The following DACH2 variants were observed in gnomAD, a reference collection of about 807,000 sequenced individuals.
DACH2 encodes the protein dachshund family transcription factor 2.
A neutral mutation model predicts 35.8 loss-of-function variants in DACH2; 17 were observed. The ratio of observed to expected loss-of-function variants is 0.48; its 90% CI spans 0.33 to 0.71. DACH2 has a LOEUF of 0.71. Ranked by LOEUF, DACH2 falls within the 30% of genes least tolerant of loss-of-function variation. The probability of loss-of-function intolerance (pLI) is 0.02; values close to 1 mark genes in which losing one functional copy is unlikely to be tolerated. For missense variants in DACH2, 469 were observed against 472.7 expected (o/e 0.99, Z 0.07); for synonymous variants, 195 against 177.3 (o/e 1.10, Z -0.79).
chrX:86,435,759 C>T (rs1287948195), intron 2 of DACH2, among the ~76,000 whole-genome samples: 1 of 111,658 alleles, frequency 9.0e-6, no homozygotes, highest in Non-Finnish European at 1.9e-5. Context: ...ATATTTTACT[C>T]ATAGAAAGCT....
At chrX:86,321,230 T>C (rs967268916) in intron 1 of DACH2, among the ~76,000 whole-genome samples, 16 of 111,678 alleles carry the variant, frequency 1.4e-4, no homozygotes, top group African/African-American at 5.2e-4. Flanking sequence ...TATTATTAGG[T>C]GCAGAGGACA....
chrX:86,720,067 T>C (rs1288236502), intron 6 of DACH2, among the ~76,000 whole-genome samples: 2 of 106,853 alleles, frequency 1.9e-5, no homozygotes, highest in Non-Finnish European at 3.9e-5. Flanking sequence ...GCCTCCTGAG[T>C]AGCTGGACTA....
rs1262404183 is a variant in DACH2 at position 86,571,567 on chromosome X, C to T, written c.640+57176C>T. Among the ~76,000 whole-genome samples the T allele has an allele frequency of 1.4e-4, 15 of 110,197 alleles. 1 individual carries two copies. The Admixed American group carries it at 1.5e-3, about 11-fold the overall frequency. ...TAACACAAGGACAAAAAACCAAACACCGCATGTTCTCACTCATAGGTGGGA... is the reference window on the plus strand; with the variant it reads ...TAACACAAGGACAAAAAACCAAACATCGCATGTTCTCACTCATAGGTGGGA... On this transcript the variant is annotated intron_variant, in intron 3 of 11. Transcript: ENST00000373125.
At chrX:86,675,542 G>A (rs12009705) in intron 4 of DACH2, among the ~76,000 whole-genome samples, 4,385 of 110,227 alleles carry the variant, frequency 0.04, 224 homozygotes, top group African/African-American at 0.14. Context: ...AAGTTTGCTG[G>A]ACATCGTGGC....
chrX:86,339,158 G>A (rs5968898), intron 1 of DACH2, among the ~76,000 whole-genome samples: 15,880 of 110,590 alleles, frequency 0.14, 978 homozygotes, highest in Non-Finnish European at 0.19. Flanking sequence ...TTGGTACCCC[G>A]CCTTCTGAAA....
intron 2 of DACH2, among the ~76,000 whole-genome samples, chrX:86,441,365 A>G (rs749944880): frequency 8.1e-5 from 9 of 111,322 alleles, no homozygotes; most frequent in Non-Finnish European, 1.7e-4. Context: ...GAGTGAGAAC[A>G]TGTGAAGATT....
chrX:86,661,370 T>C (rs1569462251), intron 4 of DACH2, among the ~76,000 whole-genome samples: 1 of 112,650 alleles, frequency 8.9e-6, no homozygotes, highest in Non-Finnish European at 1.9e-5. Flanking sequence ...ACTAATCTAC[T>C]ATTACATTGT....
At chrX:86,393,441 C>T (rs746367671) in intron 2 of DACH2, among the ~76,000 whole-genome samples, 1 of 112,167 alleles carries the variant, frequency 8.9e-6, no homozygotes, top group Admixed American at 9.5e-5. Flanking sequence ...ACATAGATTA[C>T]TGGAGAGTTT....
rs919279919 is a variant in DACH2 at position 86,501,024 on chromosome X, C to G, written c.528-13255C>G. On this transcript the variant is annotated intron_variant, in intron 2 of 11. Coordinates refer to ENST00000373125, the MANE Select transcript of DACH2 (RefSeq NM_053281.3). ...TTGATGTGTCATGCTTTGCACTTGA[C>G]ATGTTGCTTCTCACCAAAATAAATT... is the stretch of plus-strand genomic sequence containing the variant. Among the ~76,000 whole-genome samples, 10 of 111,933 alleles carry G rather than the reference C, an allele frequency of 8.9e-5. No homozygotes were observed. The Admixed American group carries it at 9.5e-4, about 11-fold the overall frequency.
intron 4 of DACH2, among the ~76,000 whole-genome samples, chrX:86,656,029 TC>T (rs66532210): frequency 0.011 from 905 of 81,614 alleles, 10 homozygotes; most frequent in African/African-American, 0.036. Context: ...GAAATAAAGC[TC>T]CCCCCCCCCA....
Position 86,235,414 on chromosome X carries a change from G to A in DACH2, c.488+86306G>A, listed in dbSNP as rs140956054. On this transcript the variant is annotated intron_variant, in intron 1 of 11. Transcript: ENST00000373125. The stretch of plus-strand genomic sequence containing the variant: ...TGCTATTTCACGTCTTTACACATGC[G>A]TTTCCCCGCTTACCTTCCATCTTCA... Among the ~76,000 whole-genome samples the A allele has an allele frequency of 6.4e-3, 712 of 112,038 alleles. 7 individuals carry two copies. The highest frequency in any genetic ancestry group is 0.022 in the African/African-American group (675 of 30,888).
rs542652120 is a variant in DACH2, at chrX:86,711,871, T to C, written c.932-2677T>C. Among the ~76,000 whole-genome samples, 25 of 112,426 alleles carry C rather than the reference T, an allele frequency of 2.2e-4. No homozygotes were observed. The South Asian group carries it at 8.1e-3, about 36-fold the overall frequency. ...CTGCCAATGGGCTGTTAAATTCTTT[T>C]TGTAGTTTGCATTTAGTTTGCATGT... On this transcript the variant is annotated intron_variant, in intron 5 of 11. Transcript: ENST00000373125.
intron 7 of DACH2, among the ~76,000 whole-genome samples, chrX:86,783,867 G>A (rs943691315): frequency 3.6e-5 from 4 of 111,237 alleles, no homozygotes; most frequent in African/African-American, 1.3e-4. Context: ...AGGGGAGGGA[G>A]TTGGTGATGG....
At chrX:86,375,819 C>A (rs1456369983) in intron 1 of DACH2, among the ~76,000 whole-genome samples, 1 of 110,001 alleles carries the variant, frequency 9.1e-6, no homozygotes, top group Non-Finnish European at 1.9e-5. Flanking sequence ...CAAAACAAAA[C>A]AGATGATATT....
intron 1 of DACH2, among the ~76,000 whole-genome samples, chrX:86,219,255 AT>A (rs200720762): frequency 2.2e-4 from 24 of 109,246 alleles, no homozygotes; most frequent in East Asian, 5.7e-4. Context: ...TTTCCATGAA[AT>A]TTTTTTTTTC....
chrX:86,418,835 A>G (rs759588681), intron 2 of DACH2, among the ~76,000 whole-genome samples: 64 of 111,615 alleles, frequency 5.7e-4, no homozygotes, highest in African/African-American at 2.0e-3. Flanking sequence ...ATGTTCTCCA[A>G]ACTTCTGTGC....
chrX:86,640,576 C>A (rs1419087404), intron 3 of DACH2, among the ~76,000 whole-genome samples: 1 of 111,447 alleles, frequency 9.0e-6, no homozygotes. Context: ...AAGATCTCTT[C>A]ATCTGCTGCC....
intron 1 of DACH2, among the ~76,000 whole-genome samples, chrX:86,275,178 C>T (rs1005676468): frequency 1.8e-5 from 2 of 111,605 alleles, no homozygotes; most frequent in Non-Finnish European, 3.8e-5. Context: ...TTACATATAA[C>T]GAAGCAATAT....
intron 4 of DACH2, among the ~76,000 whole-genome samples, chrX:86,690,484 G>C (rs2040996859): frequency 9.0e-6 from 1 of 110,836 alleles, no homozygotes; most frequent in Non-Finnish European, 1.9e-5. Context: ...TCCTTTTTTT[G>C]TCTTAAATTC....
Sources: allele counts gnomAD v4.1 joint callset (sites outside exome capture counted in the v4.1 genomes callset), GRCh38; gene constraint gnomAD v4.1.1; transcripts MANE v1.5; gene names NCBI Gene and HGNC (gene_info 2026-07-23, HGNC 2026-07-21).